Variants in ZFP90 observed in about 807,000 individuals in gnomAD.
The protein encoded by ZFP90 is ZFP90 zinc finger protein, also known as zinc finger protein 90 homolog.
ZFP90 carries 38 observed loss-of-function variants against 60.8 expected under a neutral mutation model. The observed-to-expected ratio is 0.62, with a 90% CI of 0.48 to 0.82. The LOEUF (loss-of-function observed/expected upper bound fraction) is 0.82, where lower values mean the gene tolerates loss of function less well. Ranked by LOEUF, ZFP90 falls within the 40% of genes least tolerant of loss-of-function variation. The pLI is 0.00. For missense variants in ZFP90, 711 were observed against 759.1 expected (o/e 0.94, Z 0.74); for synonymous variants, 287 against 264.8 (o/e 1.08, Z -0.82).
At chr16:68,559,729 G>A (rs1056833681) in intron 4 of ZFP90, among the ~76,000 whole-genome samples, 4 of 151,772 alleles carry the variant, frequency 2.6e-5, no homozygotes, top group Admixed American at 6.6e-5. Flanking sequence ...CACCACACCC[G>A]GCTAATTTTT....
intron 2 of ZFP90, among the ~76,000 whole-genome samples, chr16:68,551,934 A>G (rs910985275): frequency 6.7e-6 from 1 of 150,024 alleles, no homozygotes; most frequent in Non-Finnish European, 1.5e-5. Context: ...AATTTTTTTT[A>G]AATTTTTATT....
rs2091513993 is a variant in ZFP90, at chr16:68,565,644, G to A, written c.*946G>A. 5.1e-6 allele frequency: 5 copies of A among 985,494 alleles called. No individual in the cohort carries two copies. The highest frequency in any genetic ancestry group is 6.0e-6 in the Non-Finnish European group (5 of 829,902). The allele number at this position is 985,494 out of a possible 1,614,324, so 61.0% of individuals were successfully genotyped here. ...CTTTTTATGGCATGCCCATGAAAAA[G>A]CACTTTCTTAAGCCTACAGTATCAG... is the stretch of plus-strand genomic sequence containing the variant. On this transcript the variant is annotated 3_prime_UTR_variant, in exon 5 of 5. Coordinates refer to ENST00000563169, the MANE Select transcript of ZFP90 (RefSeq NM_001305203.2).
chr16:68,573,922 A>G (rs2091580268), intron 2 of ZFP90: 1 of 151,616 alleles, frequency 6.6e-6, no homozygotes, highest in Non-Finnish European at 1.5e-5. Flanking sequence ...CTGCTCGGCC[A>G]TGTGCAGTGC....
In ZFP90 at chr16:68,539,392, G is replaced by GAGC. The variant is rs1567391175; in HGVS notation, c.-123_-122insAGC. ...CAGATCAGAATTGGAGATAACCGAG[G>GAGC]CTTCGGCGGGGGCGGGAGGAGCTGC... On this transcript the variant is annotated 5_prime_UTR_variant, in exon 1 of 5. Transcript: ENST00000563169. 3.8e-6 allele frequency: 1 copy of GAGC among 261,528 alleles called. No homozygotes were observed. Among genetic ancestry groups the GAGC allele is most frequent in the Admixed American group, 5.5e-5 (1 of 18,324 alleles). 16.2% of individuals were successfully genotyped at this position (261,528 alleles called of 1,614,324 possible).
intron 1 of ZFP90, 60 bp from the exon 2 acceptor site, chr16:68,539,698 G>C: frequency 7.4e-7 from 1 of 1,355,950 alleles, no homozygotes; most frequent in Non-Finnish European, 9.9e-7. Context: ...GTGGGGCGGG[G>C]CGGGGCGGGG....
At chr16:68,558,231 G>C in intron 3 of ZFP90, 107 bp downstream of exon 3, 1 of 1,506,976 alleles carries the variant, frequency 6.6e-7, no homozygotes, top group Non-Finnish European at 9.1e-7. Context: ...GGGTGCTCAG[G>C]GGTCAGAGCT....
chr16:68,567,010 G>A lies in ZFP90; in HGVS notation c.*2312G>A. ...CATATGTGTGGCTCATTGACCAGAAGGCTTTCTTAGTCCCAACAGCCATGA... is the reference window on the plus strand; with the variant it reads ...CATATGTGTGGCTCATTGACCAGAAAGCTTTCTTAGTCCCAACAGCCATGA... On this transcript the variant is annotated 3_prime_UTR_variant, in exon 5 of 5. Transcript: ENST00000563169. The A allele has an allele frequency of 1.0e-6, 1 of 985,580 alleles. No individual in the cohort carries two copies. The highest frequency in any genetic ancestry group is 1.2e-6 in the Non-Finnish European group (1 of 829,952). The allele number at this position is 985,580 out of a possible 1,614,324, so 61.1% of individuals were successfully genotyped here.
At chr16:68,559,637 G>A (rs1383793304) in intron 4 of ZFP90, among the ~76,000 whole-genome samples, 4 of 151,354 alleles carry the variant, frequency 2.6e-5, no homozygotes, top group East Asian at 3.9e-4. Flanking sequence ...GTGTGATCTC[G>A]GCTCACTGCA....
At chr16:68,556,783 C>T (rs2091351225) in intron 2 of ZFP90, among the ~76,000 whole-genome samples, 1 of 152,184 alleles carries the variant, frequency 6.6e-6, no homozygotes, top group Non-Finnish European at 1.5e-5. Context: ...AAATTAAACA[C>T]AAAATGCGAT....
chr16:68,574,462 C>T (rs909837525), intron 2 of ZFP90, among the ~76,000 whole-genome samples: 4 of 147,174 alleles, frequency 2.7e-5, no homozygotes, highest in Non-Finnish European at 5.9e-5. Flanking sequence ...CCTGAATTTC[C>T]CACAGAAAAT....
At chr16:68,575,611 G>C (rs1017518483) in intron 2 of ZFP90, among the ~76,000 whole-genome samples, 2 of 150,444 alleles carry the variant, frequency 1.3e-5, no homozygotes, top group Non-Finnish European at 3.0e-5. Flanking sequence ...AAACCAATTA[G>C]GCAAGGGTAG....
intron 4 of ZFP90, among the ~76,000 whole-genome samples, chr16:68,560,086 T>C (rs1233969530): frequency 6.6e-6 from 1 of 152,236 alleles, no homozygotes; most frequent in East Asian, 1.9e-4. Context: ...TGTTTTTTCT[T>C]TTTATAAATC....
At chr16:68,544,813 C>G (rs906933621) in intron 2 of ZFP90, among the ~76,000 whole-genome samples, 1 of 149,974 alleles carries the variant, frequency 6.7e-6, no homozygotes, top group African/African-American at 2.5e-5. Flanking sequence ...TGCACCTTCC[C>G]GTGTAACGTT....
Position 68,563,305 on chromosome 16 carries a change from A to C in ZFP90, c.518A>C (p.Gln173Pro). ...NSRLNTNLVT[Q>P]LNIPARIRPS... is the part of the protein sequence containing the mutation. ...AGATTGAACACCAATTTGGTTACAC[A>C]ACTGAACATTCCTGCAAGAATAAGG... The change falls in exon 5 of 5, where the codon CAA (glutamine) becomes CCA (proline). Residue 173 changes from glutamine (Q) to proline (P), a missense_variant. Around this residue, in one of 5 missense-constraint regions of ZFP90, gnomAD observed 241 missense variants for 247.6 expected, o/e 0.97. Transcript: ENST00000563169. 6.2e-7 allele frequency: 1 copy of C among 1,614,202 alleles called. No individual in the cohort carries two copies. The highest frequency in any genetic ancestry group is 8.5e-7 in the Non-Finnish European group (1 of 1,180,028).
chr16:68,555,542 A>G (rs1031744818), intron 2 of ZFP90, among the ~76,000 whole-genome samples: 9 of 152,348 alleles, frequency 5.9e-5, no homozygotes, highest in African/African-American at 1.9e-4. Flanking sequence ...AAACAGAGAT[A>G]TAGTGTGAGT....
At position 68,566,728 on chromosome 16, in the gene ZFP90, C is replaced by T; in HGVS notation, c.*2030C>T. The stretch of plus-strand genomic sequence containing the variant: ...GACAATGGGTAATTCTACTCAGACC[C>T]TCCCTACTGATTGGCTAGGATGCCT... On this transcript the variant is annotated 3_prime_UTR_variant, in exon 5 of 5. Transcript: ENST00000563169. 1 of 985,574 alleles carries T rather than the reference C, an allele frequency of 1.0e-6. No homozygotes were observed. Among genetic ancestry groups the T allele is most frequent in the Non-Finnish European group, 1.2e-6 (1 of 829,930 alleles). The allele number at this position is 985,574 out of a possible 1,614,324, so 61.1% of individuals were successfully genotyped here.
At chr16:68,558,700 G>A (rs1032923234) in intron 4 of ZFP90, 132 bp downstream of exon 4, 7 of 724,966 alleles carry the variant, frequency 9.7e-6, no homozygotes, top group African/African-American at 3.5e-5. Context: ...TCGCCTGGCC[G>A]ACACCTTGTA....
intron 2 of ZFP90, among the ~76,000 whole-genome samples, chr16:68,575,300 C>A (rs2091588344): frequency 6.6e-6 from 1 of 152,124 alleles, no homozygotes; most frequent in Admixed American, 6.5e-5. Flanking sequence ...CAGTTCATAC[C>A]CGCATTTGAC....
chr16:68,575,777 TC>T, intron 2 of ZFP90: 1 of 398,386 alleles, frequency 2.5e-6, no homozygotes, highest in East Asian at 3.6e-5. Context: ...GGGGACCTGT[TC>T]CTGTCTGCCT....
Sources: allele counts gnomAD v4.1 joint callset (sites outside exome capture counted in the v4.1 genomes callset), GRCh38; gene constraint gnomAD v4.1.1; regional missense constraint gnomAD v4.1.1; transcripts MANE v1.5; gene names NCBI Gene and HGNC (gene_info 2026-07-23, HGNC 2026-07-21).